Variants in DDX11 observed in about 807,000 individuals in gnomAD.
DDX11 encodes DEAD/H-box helicase 11, also known as ATP-dependent DNA helicase DDX11.
DDX11 carries 72 observed loss-of-function variants against 125.2 expected under a neutral mutation model. That is an observed-to-expected ratio of 0.58 (90% confidence interval 0.48 to 0.70). The LOEUF (loss-of-function observed/expected upper bound fraction) is 0.70, where lower values mean the gene tolerates loss of function less well. DDX11 is among the 30% of genes least tolerant of loss of function. DDX11 has a pLI of 0.00. For synonymous variants in DDX11, 347 were observed against 452.6 expected, an observed-to-expected ratio of 0.77 and a Z score of 2.96; for missense variants, 883 against 1,165.0, an observed-to-expected ratio of 0.76 and a Z score of 3.52.
intron 14 of DDX11, among the ~76,000 whole-genome samples, chr12:31,095,116 G>A (rs901450036): frequency 1.3e-5 from 2 of 152,172 alleles, no homozygotes; most frequent in Admixed American, 1.3e-4. Context: ...CAGGCTTATG[G>A]ACAGGAATAG....
At chr12:31,074,748 CTT>C (rs1940458622) in intron 1 of DDX11, among the ~76,000 whole-genome samples, 1 of 152,176 alleles carries the variant, frequency 6.6e-6, no homozygotes, top group Non-Finnish European at 1.5e-5. Context: ...TGCGGAAAAG[CTT>C]TTTTCTTGGG....
chr12:31,083,915 C>A lies in DDX11; in HGVS notation c.247C>A (p.Pro83Thr). 1.2e-6 allele frequency: 2 copies of A among 1,613,860 alleles called. No homozygotes were observed. The highest frequency in any genetic ancestry group is 1.7e-6 in the Non-Finnish European group (2 of 1,179,854). ...EARLLETGTG[P>T]LHDEKDESLC... ...ACGACTCCTTGAAACTGGAACTGGC[C>A]CCTTACATGATGAGAAAGATGAATC... The change falls in exon 3 of 27, where the codon CCC becomes ACC. Residue 83 changes from proline (P) to threonine (T), a missense_variant. Pro to Thr is a conservative substitution (Grantham distance 38). Around this residue, in one of 5 missense-constraint regions of DDX11, gnomAD observed 283 missense variants for 359.6 expected, o/e 0.79. Transcript: ENST00000542838.
chr12:31,102,210 C>G lies in DDX11; in HGVS notation c.2203-33C>G, dbSNP rs1356910296. 3 of 1,608,720 alleles carry G rather than the reference C, an allele frequency of 1.9e-6. No homozygotes were observed. In the African/African-American group the frequency reaches 4.0e-5, roughly 22 times the overall value. ...AGACTCGAGACCTGGCACCCTGAAC[C>G]TGTCTCTGGGAAATGTCCTCTGTCT... is the stretch of plus-strand genomic sequence containing the variant. On this transcript the variant is annotated intron_variant, in intron 21 of 26. Coordinates refer to ENST00000542838, the MANE Select transcript of DDX11 (RefSeq NM_030653.4).
chr12:31,091,963 G>A (rs1019732734), intron 10 of DDX11, 92 bp downstream of exon 10: 121 of 1,569,808 alleles, frequency 7.7e-5, no homozygotes, highest in Non-Finnish European at 9.2e-5. Context: ...GAGTTCCTCC[G>A]GAGGTGGGGC....
In DDX11 at chr12:31,089,542, A is replaced by C. The variant is rs767922289; in HGVS notation, c.880+52A>C. On this transcript the variant is annotated intron_variant, in intron 8 of 26. Transcript: ENST00000542838. ...GCAGGTGGTCTGGAGAGAGTGAGGCAGGGGTGGCAGTGACTGAAGACCATT... is the reference window on the plus strand; with the variant it reads ...GCAGGTGGTCTGGAGAGAGTGAGGCCGGGGTGGCAGTGACTGAAGACCATT... 7.7e-6 allele frequency: 12 copies of C among 1,558,890 alleles called. No individual in the cohort carries two copies. In the African/African-American group the frequency reaches 1.4e-4, roughly 18 times the overall value.
chr12:31,088,039 C>G, intron 6 of DDX11, 56 bp downstream of exon 6: 3 of 1,602,406 alleles, frequency 1.9e-6, no homozygotes, highest in Non-Finnish European at 2.6e-6. Flanking sequence ...GGGCTGTGCA[C>G]CCCTGGGGAG....
intron 9 of DDX11, among the ~76,000 whole-genome samples, 163 bp downstream of exon 9, chr12:31,090,257 G>A (rs1169191127): frequency 3.4e-5 from 5 of 145,932 alleles, no homozygotes; most frequent in Admixed American, 2.1e-4. Flanking sequence ...GAGGAGGCGC[G>A]TGGGATCCCT....
At position 31,102,295 on chromosome 12, in the gene DDX11, A is replaced by G. The variant is rs1946522787; in HGVS notation, c.2255A>G (p.Tyr752Cys). The change falls in exon 22 of 27, where the codon TAT becomes TGT. Residue 752 changes from tyrosine to cysteine, a missense_variant. Transcript: ENST00000542838. ...AHQVEQVLLA[Y>C]SRCIQACGQE... ...CAGGTGGAGCAGGTGCTGCTGGCAT[A>G]TTCCAGGTGCATCCAGGTGCGGGCG... is the stretch of plus-strand genomic sequence containing the variant. 11 of 1,614,206 alleles carry G rather than the reference A, an allele frequency of 6.8e-6. No homozygotes were observed. The East Asian group carries it at 2.5e-4, about 36-fold the overall frequency.
chr12:31,088,464 C>T (rs1943567131), intron 6 of DDX11, among the ~76,000 whole-genome samples: 1 of 152,178 alleles, frequency 6.6e-6, no homozygotes, highest in Non-Finnish European at 1.5e-5. Flanking sequence ...TGGTGTGCTT[C>T]TCCCTTTGTC....
intron 17 of DDX11, among the ~76,000 whole-genome samples, chr12:31,097,378 A>G (rs905480329): frequency 2.0e-5 from 3 of 151,882 alleles, no homozygotes; most frequent in Non-Finnish European, 4.4e-5. Context: ...CAGTTTCTTC[A>G]TATGAAAATG....
rs1592639943 is a variant in DDX11, at chr12:31,085,244, C to T, written c.638+118C>T. ...CTGGCAAGAGGCATGGTGGCCTCTGCCCTCTGCTCTAAGCCGGGTCCTTCC... is the reference window on the plus strand; with the variant it reads ...CTGGCAAGAGGCATGGTGGCCTCTGTCCTCTGCTCTAAGCCGGGTCCTTCC... On this transcript the variant is annotated intron_variant, in intron 5 of 26. Transcript: ENST00000542838. 6 of 1,348,908 alleles carry T rather than the reference C, an allele frequency of 4.4e-6. No homozygotes were observed. The East Asian group carries it at 1.3e-4, about 28-fold the overall frequency. 83.6% of individuals were successfully genotyped at this position (1,348,908 alleles called of 1,614,324 possible).
At chr12:31,074,870 A>G (rs1196167140) in intron 1 of DDX11, among the ~76,000 whole-genome samples, 2 of 152,236 alleles carry the variant, frequency 1.3e-5, no homozygotes, top group Non-Finnish European at 2.9e-5. Context: ...ACAAAATACC[A>G]TAAACTGGGT....
chr12:31,096,090 A>G (rs1274276326), intron 14 of DDX11, among the ~76,000 whole-genome samples: 1 of 151,852 alleles, frequency 6.6e-6, no homozygotes, highest in Non-Finnish European at 1.5e-5. Context: ...GCACTCTTAG[A>G]CTTGAGAGAG....
intron 6 of DDX11, among the ~76,000 whole-genome samples, chr12:31,088,446 GTC>G (rs1592671272): frequency 6.6e-6 from 1 of 152,174 alleles, no homozygotes; most frequent in East Asian, 1.9e-4. Flanking sequence ...TGCCCTTTGG[GTC>G]TCTCATGGTG....
At chr12:31,078,323 C>T (rs750154502) in intron 1 of DDX11, 67 bp from the exon 2 acceptor site, 4 of 1,609,790 alleles carry the variant, frequency 2.5e-6, no homozygotes, top group Non-Finnish European at 3.4e-6. Context: ...AAATAATGCT[C>T]CAGATTTCAA....
intron 18 of DDX11, among the ~76,000 whole-genome samples, chr12:31,099,628 C>CA (rs1946034244): frequency 6.6e-6 from 1 of 151,182 alleles, no homozygotes; most frequent in Non-Finnish European, 1.5e-5. Flanking sequence ...GCTCTAAAGT[C>CA]ACGTGGAACC....
At position 31,103,857 on chromosome 12, in the gene DDX11, T is replaced by C. The variant is rs1946841085; in HGVS notation, c.*21T>C. The C allele has an allele frequency of 1.9e-6, 3 of 1,613,982 alleles. No homozygotes were observed. Among genetic ancestry groups the C allele is most frequent in the South Asian group, 2.2e-5 (2 of 91,072 alleles). On this transcript the variant is annotated 3_prime_UTR_variant, in exon 27 of 27. Transcript: ENST00000542838. ...CCTGATGGGCAACCACACCACTGCC[T>C]GGCGCCGTGCCCTTCCTTTGTCCTG...
At chr12:31,091,551 A>G (rs1488339404) in intron 9 of DDX11, 168 bp from the exon 10 acceptor site, 2 of 655,072 alleles carry the variant, frequency 3.1e-6, no homozygotes, top group Admixed American at 5.6e-5. Context: ...TTGGCTTTTC[A>G]TGTGAAACTC....
intron 9 of DDX11, chr12:31,091,044 G>C (rs1460653690): frequency 6.6e-6 from 1 of 152,166 alleles, no homozygotes; most frequent in African/African-American, 2.4e-5. Context: ...TAGTATTCCA[G>C]TGAAATTCTG....
Sources: allele counts gnomAD v4.1 joint callset (sites outside exome capture counted in the v4.1 genomes callset), GRCh38; gene constraint gnomAD v4.1.1; regional missense constraint gnomAD v4.1.1; transcripts MANE v1.5; gene names NCBI Gene and HGNC (gene_info 2026-07-23, HGNC 2026-07-21).